The following SUGCT variants were observed in gnomAD, a reference collection of about 807,000 sequenced individuals.
The protein encoded by SUGCT is succinyl-CoA:glutarate-CoA transferase, also known as succinyl-CoA:glutarate CoA-transferase.
In SUGCT, 41 loss-of-function variants were observed where a neutral mutation model predicts 55.0. The observed-to-expected ratio is 0.74, with a 90% CI of 0.58 to 0.97. The LOEUF is 0.97. Among genes scored for constraint, SUGCT ranks in the 50% least tolerant of loss-of-function variants. The pLI, the probability that SUGCT is intolerant of heterozygous loss-of-function variation, is 0.00. For missense variants in SUGCT, 568 were observed against 547.8 expected (o/e 1.04, Z -0.37); for synonymous variants, 187 against 200.4 (o/e 0.93, Z 0.56).
the SUGCT span, among the ~76,000 whole-genome samples, chr7:41,010,719 A>G: frequency 6.6e-6 from 1 of 152,230 alleles, no homozygotes; most frequent in Non-Finnish European, 1.5e-5. Flanking sequence ...TTCAAAATCC[A>G]ATTAGGATAC....
the SUGCT span, among the ~76,000 whole-genome samples, chr7:40,877,618 CATCCCTGTGAGAG>C: frequency 6.6e-6 from 1 of 152,230 alleles, no homozygotes; most frequent in Admixed American, 6.5e-5. Flanking sequence ...AGCTAATTTA[CATCCCTGTGAGAG>C]ATTCTTAGAT....
intron 10 of SUGCT, among the ~76,000 whole-genome samples, chr7:40,458,735 G>T (rs974388633): frequency 6.6e-6 from 1 of 152,042 alleles, no homozygotes; most frequent in Non-Finnish European, 1.5e-5. Context: ...AATTTGGTCC[G>T]TTTTACCCAG....
At chr7:40,496,769 A>G (rs890326917) in intron 12 of SUGCT, among the ~76,000 whole-genome samples, 16 of 148,438 alleles carry the variant, frequency 1.1e-4, no homozygotes, top group African/African-American at 3.8e-4. Flanking sequence ...TAAACCTCTG[A>G]TCATATGATT....
intron 13 of SUGCT, chr7:40,775,601 G>A (rs189462003): frequency 8.0e-4 from 122 of 152,304 alleles, no homozygotes; most frequent in African/African-American, 2.9e-3. Context: ...AAGATGTGGA[G>A]CTTTGCTTCT....
In SUGCT at chr7:40,444,093, GGTACCA is replaced by G. The variant is rs528730400; in HGVS notation, c.817-5187_817-5182del. Among the ~76,000 whole-genome samples the G allele has an allele frequency of 4.5e-3, 687 of 152,170 alleles. 4 individuals are homozygous for G. Among genetic ancestry groups the G allele is most frequent in the African/African-American group, 0.016 (646 of 41,530 alleles). ...TTCCATTGGTCTATATCTCTGTTTT[GGTACCA>G]GTACCATGCTGTTTTGGTTACTGTA... On this transcript the variant is annotated intron_variant, in intron 9 of 13. Transcript: ENST00000335693.
intron 1 of SUGCT, among the ~76,000 whole-genome samples, chr7:40,150,820 C>T (rs1169352406): frequency 2.0e-5 from 3 of 152,212 alleles, no homozygotes; most frequent in South Asian, 2.1e-4. Context: ...CTTGATGAAT[C>T]GGCTCTATCT....
At chr7:40,675,252 G>A (rs910276605) in intron 12 of SUGCT, among the ~76,000 whole-genome samples, 5 of 151,924 alleles carry the variant, frequency 3.3e-5, no homozygotes, top group Non-Finnish European at 7.4e-5. Context: ...GTAGAGACGG[G>A]GTTTCCATGT....
intron 9 of SUGCT, among the ~76,000 whole-genome samples, chr7:40,373,372 T>TAGATTCTAGAAAATTTAGAATCTATA (rs370304711): frequency 5.5e-5 from 8 of 146,634 alleles, no homozygotes; most frequent in African/African-American, 9.9e-5. Flanking sequence ...TTAGAATCTA[T>TAGATTCTAGAAAATTTAGAATCTATA]GATTAATATA....
At chr7:40,568,257 C>A (rs907210651) in intron 12 of SUGCT, among the ~76,000 whole-genome samples, 1 of 152,072 alleles carries the variant, frequency 6.6e-6, no homozygotes, top group African/African-American at 2.4e-5. Flanking sequence ...TTTTTAAATT[C>A]ATCATTCAGG....
chr7:40,285,312 G>T (rs971684552), intron 8 of SUGCT, among the ~76,000 whole-genome samples: 1 of 151,984 alleles, frequency 6.6e-6, no homozygotes, highest in Non-Finnish European at 1.5e-5. Context: ...GAATTTAATG[G>T]ACTATTCCTA....
At chr7:40,713,470 A>G (rs1785837487) in intron 12 of SUGCT, among the ~76,000 whole-genome samples, 1 of 152,180 alleles carries the variant, frequency 6.6e-6, no homozygotes, top group South Asian at 2.1e-4. Flanking sequence ...TTGTACATCC[A>G]TGGTCAGGGT....
chr7:40,915,350 A>G, the SUGCT span, among the ~76,000 whole-genome samples: 1 of 152,180 alleles, frequency 6.6e-6, no homozygotes, highest in Non-Finnish European at 1.5e-5. Context: ...AGATATCTGG[A>G]GACTGGCTTA....
Position 40,652,105 on chromosome 7 carries a change from T to C in SUGCT, c.1090-97329T>C, listed in dbSNP as rs76028747. Among the ~76,000 whole-genome samples, 695 of 152,330 alleles carry C rather than the reference T, an allele frequency of 4.6e-3. 6 individuals are homozygous for C. The highest frequency in any genetic ancestry group is 0.015 in the African/African-American group (632 of 41,580). ...TGAAGTCTTTTATTCTTCCCTATTTTCTGGATGCTATTTCTTATTCCTTTT... is the reference window on the plus strand; with the variant it reads ...TGAAGTCTTTTATTCTTCCCTATTTCCTGGATGCTATTTCTTATTCCTTTT... On this transcript the variant is annotated intron_variant, in intron 12 of 13. Transcript: ENST00000335693.
chr7:40,340,797 T>C (rs1454776327), intron 9 of SUGCT, among the ~76,000 whole-genome samples: 4 of 152,160 alleles, frequency 2.6e-5, no homozygotes, highest in Non-Finnish European at 5.9e-5. Context: ...GGAGAATCAA[T>C]GAGACTGCTT....
At chr7:40,664,079 G>A (rs931143682) in intron 12 of SUGCT, among the ~76,000 whole-genome samples, 2 of 152,140 alleles carry the variant, frequency 1.3e-5, no homozygotes, top group South Asian at 2.1e-4. Flanking sequence ...AGAGAGGCCT[G>A]GAACAGATTC....
chr7:40,860,224 G>T, intron 13 of SUGCT, 92 bp from the exon 14 acceptor site: 1 of 1,457,878 alleles, frequency 6.9e-7, no homozygotes, highest in Non-Finnish European at 9.6e-7. Flanking sequence ...TGATATTTTT[G>T]GCATTCATGG....
chr7:40,594,730 A>C (rs1038615709), intron 12 of SUGCT, among the ~76,000 whole-genome samples: 5 of 152,322 alleles, frequency 3.3e-5, no homozygotes, highest in African/African-American at 7.2e-5. Context: ...AAGACAATAA[A>C]GAAGTAGGAC....
chr7:40,569,609 G>A (rs573396752), intron 12 of SUGCT, among the ~76,000 whole-genome samples: 2 of 152,228 alleles, frequency 1.3e-5, no homozygotes, highest in Admixed American at 1.3e-4. Flanking sequence ...TAAGACTTGT[G>A]AAGTGAGCAA....
chr7:40,856,714 AC>A (rs1476407806), intron 13 of SUGCT, among the ~76,000 whole-genome samples: 2 of 152,196 alleles, frequency 1.3e-5, no homozygotes, highest in Non-Finnish European at 2.9e-5. Flanking sequence ...AAAATTGTGA[AC>A]ATTCCTAATT....
Sources: allele counts gnomAD v4.1 joint callset (sites outside exome capture counted in the v4.1 genomes callset), GRCh38; gene constraint gnomAD v4.1.1; transcripts MANE v1.5; gene names NCBI Gene and HGNC (gene_info 2026-07-23, HGNC 2026-07-21).